Variants in FRMD6 observed in about 807,000 individuals in gnomAD.
FRMD6 encodes FERM domain-containing protein 6.
Under a neutral mutation model 73.2 loss-of-function variants are expected in FRMD6, and 37 were observed. The ratio of observed to expected loss-of-function variants is 0.51; its 90% CI spans 0.39 to 0.66. The LOEUF (loss-of-function observed/expected upper bound fraction) is 0.66, where lower values mean the gene tolerates loss of function less well. FRMD6 is among the 30% of genes least tolerant of loss of function. FRMD6 has a pLI of 0.00. For missense variants in FRMD6, 714 were observed against 780.5 expected, an observed-to-expected ratio of 0.91 and a Z score of 1.02; for synonymous variants, 273 against 282.2, an observed-to-expected ratio of 0.97 and a Z score of 0.33.
At chr14:51,647,828 A>G (rs988302570), upstream of FRMD6, among the ~76,000 whole-genome samples, 6 of 152,034 alleles carry the variant, frequency 3.9e-5, no homozygotes, top group African/African-American at 1.4e-4. Flanking sequence ...ATTATTATTA[A>G]TTAATTAATT....
At chr14:51,565,387 G>A (rs1450646306) in intron 1 of FRMD6, 3 of 152,272 alleles carry the variant, frequency 2.0e-5, no homozygotes, top group African/African-American at 4.8e-5. Flanking sequence ...GGTGCTGCTA[G>A]AACAATACTG....
intron 1 of FRMD6, among the ~76,000 whole-genome samples, chr14:51,537,753 C>T (rs766394223): frequency 5.3e-5 from 8 of 152,258 alleles, no homozygotes; most frequent in East Asian, 3.9e-4. Context: ...TCCCTAATAA[C>T]GTAGGATTTT....
At chr14:51,526,685 A>G (rs1885274454) in intron 1 of FRMD6, among the ~76,000 whole-genome samples, 2 of 152,150 alleles carry the variant, frequency 1.3e-5, no homozygotes, top group African/African-American at 4.8e-5. Flanking sequence ...CACAACAACC[A>G]CTTTTTATAT....
At chr14:51,569,797 C>T (rs537324031) in intron 1 of FRMD6, among the ~76,000 whole-genome samples, 7 of 149,440 alleles carry the variant, frequency 4.7e-5, no homozygotes, top group South Asian at 2.1e-4. Context: ...GCATCATGCC[C>T]GGCCAGAATT....
At chr14:51,635,403 C>T (rs1180307469) in intron 2 of FRMD6, among the ~76,000 whole-genome samples, 1 of 152,044 alleles carries the variant, frequency 6.6e-6, no homozygotes, top group Non-Finnish European at 1.5e-5. Context: ...CAAAACAAAA[C>T]AAAAAGGAGG....
chr14:51,688,584 T>C (rs1406684301), intron 1 of FRMD6, among the ~76,000 whole-genome samples: 2 of 152,208 alleles, frequency 1.3e-5, no homozygotes, highest in East Asian at 3.8e-4. Flanking sequence ...TTATATATAC[T>C]CTCCACCTAG....
At chr14:51,524,982 T>G in intron 1 of FRMD6, among the ~76,000 whole-genome samples, 1 of 42,292 alleles carries the variant, frequency 2.4e-5, no homozygotes, top group Non-Finnish European at 4.2e-5. Flanking sequence ...ATCTCTCTAT[T>G]AAAAAACACA....
At chr14:51,486,109 A>G (rs1255243622), upstream of FRMD6, among the ~76,000 whole-genome samples, 1 of 150,108 alleles carries the variant, frequency 6.7e-6, no homozygotes, top group East Asian at 1.9e-4. Flanking sequence ...ATTTCGGCTC[A>G]CTGCAAGCTC....
chr14:51,409,993 G>A, the FRMD6 span, among the ~76,000 whole-genome samples: 2,001 of 152,296 alleles, frequency 0.013, 27 homozygotes, highest in African/African-American at 0.033. Flanking sequence ...CTTCTTGAAT[G>A]TAAATCTTGG....
At chr14:51,691,778 A>G (rs1411481289) in intron 2 of FRMD6, among the ~76,000 whole-genome samples, 1 of 151,614 alleles carries the variant, frequency 6.6e-6, no homozygotes, top group Non-Finnish European at 1.5e-5. Context: ...TAATTTTAGT[A>G]GAGATGGGGT....
chr14:51,397,139 A>T, the FRMD6 span: 796 of 152,426 alleles, frequency 5.2e-3, 9 homozygotes, highest in Non-Finnish European at 3.5e-3. Context: ...GGAGACTGGA[A>T]CATAGATCCA....
chr14:51,491,145 G>A (rs1019558425), intron 1 of FRMD6, among the ~76,000 whole-genome samples: 5 of 152,124 alleles, frequency 3.3e-5, no homozygotes, highest in South Asian at 2.1e-4. Flanking sequence ...CTTTTGCATC[G>A]TTCTGAATGC....
At chr14:51,643,789 T>C (rs1470405879) in intron 2 of FRMD6, 1 of 152,180 alleles carries the variant, frequency 6.6e-6, no homozygotes, top group Non-Finnish European at 1.5e-5. Context: ...GCTGAGCAAA[T>C]GGAGGCAAGG....
upstream of FRMD6, among the ~76,000 whole-genome samples, chr14:51,648,146 A>G (rs1892163366): frequency 6.6e-6 from 1 of 152,336 alleles, no homozygotes; most frequent in South Asian, 2.1e-4. Flanking sequence ...ATTATACAAA[A>G]GATAAAAATA....
chr14:51,636,534 C>G (rs565607054), intron 2 of FRMD6, among the ~76,000 whole-genome samples: 20 of 152,300 alleles, frequency 1.3e-4, no homozygotes, highest in African/African-American at 3.6e-4. Flanking sequence ...GAAGATGGCT[C>G]AGGAAGTCCC....
chr14:51,595,435 T>G (rs1232618898), intron 2 of FRMD6, among the ~76,000 whole-genome samples: 1 of 152,198 alleles, frequency 6.6e-6, no homozygotes, highest in African/African-American at 2.4e-5. Context: ...CTGGTAAACT[T>G]TGATTATGTT....
At chr14:51,534,262 CT>C (rs1885759742) in intron 1 of FRMD6, among the ~76,000 whole-genome samples, 2 of 152,294 alleles carry the variant, frequency 1.3e-5, no homozygotes, top group South Asian at 4.2e-4. Flanking sequence ...ACATAAGCAG[CT>C]TTTACCCATA....
At chr14:51,720,429 TC>T (rs1402909893) in intron 11 of FRMD6, 39 bp downstream of exon 11, 3 of 1,592,370 alleles carry the variant, frequency 1.9e-6, no homozygotes, top group Non-Finnish European at 2.6e-6. Flanking sequence ...CTGTTTAGTC[TC>T]CCAGTTTTTT....
At chr14:51,426,008 A>ATATC in the FRMD6 span, among the ~76,000 whole-genome samples, 12,434 of 151,912 alleles carry the variant, frequency 0.082, 547 homozygotes, top group East Asian at 0.11. Flanking sequence ...TGAACTTTAT[A>ATATC]TATTTTTTCC....
Sources: allele counts gnomAD v4.1 joint callset (sites outside exome capture counted in the v4.1 genomes callset), GRCh38; gene constraint gnomAD v4.1.1; transcripts MANE v1.5; gene names NCBI Gene and HGNC (gene_info 2026-07-23, HGNC 2026-07-21).